The following SIL1 variants were observed in gnomAD, a reference collection of about 807,000 sequenced individuals.
SIL1 encodes SIL1 nucleotide exchange factor, also known as nucleotide exchange factor SIL1.
A neutral mutation model predicts 49.1 loss-of-function variants in SIL1; 40 were observed. The ratio of observed to expected loss-of-function variants is 0.81; its 90% CI spans 0.63 to 1.06. SIL1 has a LOEUF of 1.06. Among genes scored for constraint, SIL1 ranks in the 50% least tolerant of loss-of-function variants. The pLI is 0.00. For synonymous variants in SIL1, 253 were observed against 250.8 expected (o/e 1.01, Z -0.08); for missense variants, 500 against 572.6 (o/e 0.87, Z 1.29).
chr5:139,166,182 A>G (rs1405594777), intron 1 of SIL1, among the ~76,000 whole-genome samples: 1 of 152,226 alleles, frequency 6.6e-6, no homozygotes, highest in Non-Finnish European at 1.5e-5. Flanking sequence ...CTAACTAGAC[A>G]ACAACTGCAC....
intron 3 of SIL1, among the ~76,000 whole-genome samples, chr5:139,093,394 T>C (rs1770385541): frequency 6.6e-6 from 1 of 152,164 alleles, no homozygotes; most frequent in South Asian, 2.1e-4. Context: ...GGGAGACAGG[T>C]GTTATTGAAC....
intron 4 of SIL1, among the ~76,000 whole-genome samples, chr5:139,047,652 T>A (rs1442824103): frequency 2.0e-5 from 3 of 152,212 alleles, no homozygotes; most frequent in Admixed American, 2.0e-4. Context: ...TAGGCCTCTG[T>A]TCCTATTCCA....
In SIL1 at chr5:138,946,901, G is replaced by A. The variant is rs932289053; in HGVS notation, c.*216C>T. ...GGATGCCCTGGGCTGAGCCCTGCAC[G>A]TCAGCAGAGCCCATCACCCAACCAC... On this transcript the variant is annotated 3_prime_UTR_variant, in exon 10 of 10. Coordinates refer to ENST00000394817, the MANE Select transcript of SIL1 (RefSeq NM_022464.5). The A allele has an allele frequency of 1.3e-5, 8 of 593,174 alleles. No homozygotes were observed. Among genetic ancestry groups the A allele is most frequent in the Admixed American group, 2.7e-5 (1 of 37,560 alleles). 36.7% of individuals were successfully genotyped at this position (593,174 alleles called of 1,614,324 possible).
At chr5:139,036,689 C>A (rs1166789549) in intron 5 of SIL1, among the ~76,000 whole-genome samples, 1 of 152,020 alleles carries the variant, frequency 6.6e-6, no homozygotes, top group East Asian at 1.9e-4. Flanking sequence ...CACACTGGGG[C>A]CTATTGGGTG....
intron 1 of SIL1, among the ~76,000 whole-genome samples, chr5:139,161,700 G>A (rs1464457386): frequency 6.6e-6 from 1 of 152,106 alleles, no homozygotes; most frequent in African/African-American, 2.4e-5. Flanking sequence ...GGAGCTTGGA[G>A]CACTTCCCTA....
At position 138,951,800 on chromosome 5, in the gene SIL1, A is replaced by G. The variant is rs1418790682; in HGVS notation, c.852T>C (p.Thr284=). ...CATGGAAACACACCTTCTTCTTTGC[A>G]GTGAGCGGCTGCTCCGTGGCCAGGA... ...LVILATEQPL[T]AKKKVLFALC... Residue 284 remains threonine (T), a synonymous_variant, in exon 8 of 10, where the codon ACT becomes ACC. Coordinates refer to ENST00000394817, the MANE Select transcript of SIL1 (RefSeq NM_022464.5). The G allele has an allele frequency of 6.2e-7, 1 of 1,614,066 alleles. No individual in the cohort carries two copies. Among genetic ancestry groups the G allele is most frequent in the East Asian group, 2.2e-5 (1 of 44,876 alleles).
At chr5:139,179,000 C>T (rs991087077) in intron 1 of SIL1, among the ~76,000 whole-genome samples, 1 of 152,174 alleles carries the variant, frequency 6.6e-6, no homozygotes, top group Non-Finnish European at 1.5e-5. Context: ...CTCCCCTTCC[C>T]CCTTTCTCTC....
Position 138,966,511 on chromosome 5 carries a change from G to C in SIL1, c.768-14627C>G, listed in dbSNP as rs931003100. On this transcript the variant is annotated intron_variant, in intron 7 of 9. Transcript: ENST00000394817. ...CATTTCCCTCGGCGGGCGGGTGTAG[G>C]GGGGTGGTGACTTTCCAAAGTGACT... Among the ~76,000 whole-genome samples, 7 of 152,236 alleles carry C rather than the reference G, an allele frequency of 4.6e-5. No individual in the cohort carries two copies. In the South Asian group the frequency reaches 1.2e-3, roughly 27 times the overall value.
At chr5:139,121,972 C>A (rs1269662453) in intron 2 of SIL1, among the ~76,000 whole-genome samples, 1 of 152,068 alleles carries the variant, frequency 6.6e-6, no homozygotes, top group Non-Finnish European at 1.5e-5. Context: ...TTTTTAAACC[C>A]GTTCTTGCAA....
chr5:139,001,244 T>C (rs1767979022), intron 7 of SIL1, among the ~76,000 whole-genome samples: 1 of 151,878 alleles, frequency 6.6e-6, no homozygotes, highest in Non-Finnish European at 1.5e-5. Flanking sequence ...ACAGTATGAG[T>C]TTTTTGAAAC....
chr5:139,147,551 T>C (rs898918045), intron 1 of SIL1, among the ~76,000 whole-genome samples: 4 of 152,288 alleles, frequency 2.6e-5, no homozygotes, highest in African/African-American at 9.6e-5. Flanking sequence ...AACAATTCAC[T>C]GCCTCAGCAC....
intron 1 of SIL1, among the ~76,000 whole-genome samples, chr5:139,188,525 G>A (rs1276968951): frequency 6.6e-6 from 1 of 152,116 alleles, no homozygotes; most frequent in Non-Finnish European, 1.5e-5. Context: ...AAAATAATGG[G>A]ATTGGCTCCA....
chr5:139,031,379 C>T (rs1363715094), intron 5 of SIL1, among the ~76,000 whole-genome samples: 1 of 151,974 alleles, frequency 6.6e-6, no homozygotes, highest in African/African-American at 2.4e-5. Flanking sequence ...GACTATTTGT[C>T]TTCCATTGAA....
chr5:139,170,215 T>C (rs948084993), intron 1 of SIL1, among the ~76,000 whole-genome samples: 2 of 152,072 alleles, frequency 1.3e-5, no homozygotes, highest in Non-Finnish European at 2.9e-5. Context: ...CTCGGCTCGC[T>C]ACAACCTCCA....
At chr5:138,991,624 A>C (rs1344451197) in intron 7 of SIL1, among the ~76,000 whole-genome samples, 1 of 152,216 alleles carries the variant, frequency 6.6e-6, no homozygotes, top group African/African-American at 2.4e-5. Flanking sequence ...TACAGGGTCG[A>C]TATTTCCTGC....
At chr5:139,126,986 A>T (rs546657165) in intron 2 of SIL1, among the ~76,000 whole-genome samples, 54 of 152,262 alleles carry the variant, frequency 3.5e-4, no homozygotes, top group African/African-American at 1.2e-3. Flanking sequence ...GGGCATTAGG[A>T]GCTGGTCAAG....
At chr5:138,981,441 C>CA (rs1014395521) in intron 7 of SIL1, among the ~76,000 whole-genome samples, 1 of 151,984 alleles carries the variant, frequency 6.6e-6, no homozygotes, top group Non-Finnish European at 1.5e-5. Flanking sequence ...ACCAATGTAA[C>CA]AAAAAAGGAG....
intron 3 of SIL1, among the ~76,000 whole-genome samples, chr5:139,056,585 G>A (rs71587289): frequency 0.39 from 54,243 of 140,590 alleles, 10,608 homozygotes; most frequent in African/African-American, 0.5. Context: ...CGCCCCGTCC[G>A]GGAGGGAGGT....
At chr5:139,081,598 A>G (rs1270720299) in intron 3 of SIL1, among the ~76,000 whole-genome samples, 1 of 152,124 alleles carries the variant, frequency 6.6e-6, no homozygotes, top group Admixed American at 6.6e-5. Context: ...ACCACAGAAG[A>G]CCAGGCACGG....
Sources: allele counts gnomAD v4.1 joint callset (sites outside exome capture counted in the v4.1 genomes callset), GRCh38; gene constraint gnomAD v4.1.1; transcripts MANE v1.5; gene names NCBI Gene and HGNC (gene_info 2026-07-23, HGNC 2026-07-21).